RNF123: variants seen among roughly 807,000 people sequenced by gnomAD.
The protein encoded by RNF123 is ring finger protein 123.
RNF123 carries 86 observed loss-of-function variants against 168.5 expected under a neutral mutation model. The ratio of observed to expected loss-of-function variants is 0.51; its 90% CI spans 0.43 to 0.61. The LOEUF (loss-of-function observed/expected upper bound fraction) is 0.61, where lower values mean the gene tolerates loss of function less well. RNF123 is among the 20% of genes least tolerant of loss of function. The probability of loss-of-function intolerance (pLI) is 0.00; values close to 1 mark genes in which losing one functional copy is unlikely to be tolerated. For synonymous variants in RNF123, 666 were observed against 689.1 expected, an observed-to-expected ratio of 0.97 and a Z score of 0.52; for missense variants, 1,419 against 1,729.7, an observed-to-expected ratio of 0.82 and a Z score of 3.19.
chr3:49,693,283 C>T (rs576446932), intron 3 of RNF123, among the ~76,000 whole-genome samples: 67 of 147,166 alleles, frequency 4.6e-4, no homozygotes, highest in Admixed American at 8.9e-4. Context: ...CTCCTGAGCT[C>T]GTGATCCGCC....
At position 49,717,469 on chromosome 3, in the gene RNF123, C is replaced by T. The variant is rs189486260; in HGVS notation, c.3500+992C>T. The T allele has an allele frequency of 2.2e-3, 369 of 171,578 alleles. 6 individuals carry two copies. In the East Asian group the frequency reaches 0.041, roughly 19 times the overall value. The allele number at this position is 171,578 out of a possible 1,614,324, so 10.6% of individuals were successfully genotyped here. On this transcript the variant is annotated intron_variant, in intron 35 of 38. Coordinates refer to ENST00000327697, the MANE Select transcript of RNF123 (RefSeq NM_022064.5). ...GCCTTCTTTTCCCTGTGGGCCCACT[C>T]CCTCCCACCCCCTTGGGAAGGGGAG...
chr3:49,692,447 G>A (rs1384345761), intron 3 of RNF123, among the ~76,000 whole-genome samples: 1 of 152,016 alleles, frequency 6.6e-6, no homozygotes, highest in Admixed American at 6.6e-5. Context: ...TGGTAAATGG[G>A]GTATCCATCC....
intron 26 of RNF123, among the ~76,000 whole-genome samples, chr3:49,709,609 A>ATT (rs922356963): frequency 8.8e-6 from 1 of 113,980 alleles, no homozygotes; most frequent in African/African-American, 3.6e-5. Context: ...CTAATTTTGT[A>ATT]TTTTTTTTTA....
intron 3 of RNF123, among the ~76,000 whole-genome samples, chr3:49,694,852 A>G (rs141089085): frequency 6.6e-6 from 1 of 150,460 alleles, no homozygotes; most frequent in African/African-American, 2.5e-5. Context: ...AGATGGTCCT[A>G]CTGCTGCTGC....
At chr3:49,716,609 G>A (rs1415585347) in intron 35 of RNF123, 132 bp downstream of exon 35, 1 of 804,364 alleles carries the variant, frequency 1.2e-6, no homozygotes, top group South Asian at 1.6e-5. Flanking sequence ...GAGGCAGAGG[G>A]AAGGTGGTGA....
intron 3 of RNF123, among the ~76,000 whole-genome samples, chr3:49,692,371 G>A (rs991200005): frequency 1.3e-5 from 2 of 152,162 alleles, no homozygotes; most frequent in African/African-American, 4.8e-5. Flanking sequence ...TATGTAGTAG[G>A]TATATATATT....
intron 1 of RNF123, chr3:49,689,954 G>A (rs1038408353): frequency 6.6e-6 from 1 of 152,228 alleles, no homozygotes; most frequent in African/African-American, 2.4e-5. Flanking sequence ...CCCACTCCGG[G>A]TGTCTGGAAG....
chr3:49,698,286 C>T (rs1051234016), intron 7 of RNF123, 149 bp downstream of exon 7: 2 of 917,818 alleles, frequency 2.2e-6, no homozygotes, highest in East Asian at 2.6e-5. Flanking sequence ...CCACCCAATC[C>T]CAGGCACCCC....
intron 12 of RNF123, 175 bp from the exon 13 acceptor site, chr3:49,700,052 G>A: frequency 1.2e-6 from 1 of 863,554 alleles, no homozygotes; most frequent in Non-Finnish European, 1.7e-6. Flanking sequence ...GGAGCCGTGG[G>A]GCAATGGCCT....
At chr3:49,711,317 CCTT>C (rs1036979635) in intron 26 of RNF123, among the ~76,000 whole-genome samples, 10 of 152,288 alleles carry the variant, frequency 6.6e-5, no homozygotes, top group African/African-American at 2.2e-4. Context: ...TATGCTCTCT[CCTT>C]CTTTCTCTGT....
chr3:49,699,666 A>C lies in RNF123; in HGVS notation c.880-2A>C. ...ACTTCTCCCTCCTCCCCCTCCACAC[A>C]GGAGGGGCGGCTGTTGGACAAGGAG... is the stretch of plus-strand genomic sequence containing the variant. On this transcript the variant is annotated splice_acceptor_variant, in intron 11 of 38. Transcript: ENST00000327697. LOFTEE classifies it high-confidence loss of function. This position sits in a 1 kb window ranked among gnomAD's most constrained non-coding sequence, Gnocchi z 4.8. 6.2e-7 allele frequency: 1 copy of C among 1,613,238 alleles called. No individual in the cohort carries two copies.
intron 1 of RNF123, 98 bp downstream of exon 1, chr3:49,689,704 T>C (rs560956312): frequency 1.2e-4 from 19 of 152,428 alleles, no homozygotes; most frequent in African/African-American, 4.3e-4. Context: ...AGCGCAGGGA[T>C]CTGGGTGCGA....
chr3:49,711,550 G>A (rs929910722), intron 26 of RNF123, among the ~76,000 whole-genome samples: 1 of 152,138 alleles, frequency 6.6e-6, no homozygotes, highest in Non-Finnish European at 1.5e-5. Context: ...CGCTGCCTAG[G>A]TTTGCGCCTA....
Position 49,720,744 on chromosome 3 carries a change from C to G in RNF123, c.3644-56C>G, listed in dbSNP as rs1158742835. The G allele has an allele frequency of 2.5e-6, 4 of 1,611,936 alleles. No homozygotes were observed. In the African/African-American group the frequency reaches 4.0e-5, roughly 16 times the overall value. On this transcript the variant is annotated intron_variant, in intron 36 of 38. Coordinates refer to ENST00000327697, the MANE Select transcript of RNF123 (RefSeq NM_022064.5). ...AGCAAAGTCCTAGGCTGGGAATATTCAAGAGGCATCACATCCTCAGCTACC... is the reference window on the plus strand; with the variant it reads ...AGCAAAGTCCTAGGCTGGGAATATTGAAGAGGCATCACATCCTCAGCTACC...
At chr3:49,718,574 G>A in intron 35 of RNF123, 1 of 1,613,114 alleles carries the variant, frequency 6.2e-7, no homozygotes, top group Non-Finnish European at 8.5e-7. Context: ...TTGCAGTAAA[G>A]CCTCAGGGAC....
rs2080232519 is a variant in RNF123 at position 49,715,842 on chromosome 3, C to T, written c.3171C>T (p.Arg1057=). ...CTCAGATCCAGCAGGCTGCTGAGCG[C>T]CTGGAGCGGAACTTTGTGGACAGCC... ...MIQEIQQAAE[R]LERNFVDSRQ... The change falls in exon 33 of 39, where the codon CGC becomes CGT. Residue 1057 remains arginine, a synonymous_variant. Transcript: ENST00000327697. 1.2e-6 allele frequency: 2 copies of T among 1,614,104 alleles called. No individual in the cohort carries two copies. Among genetic ancestry groups the T allele is most frequent in the Non-Finnish European group, 8.5e-7 (1 of 1,180,020 alleles).
chr3:49,706,947 G>A (rs750456674), intron 26 of RNF123, 49 bp downstream of exon 26: 18 of 1,529,758 alleles, frequency 1.2e-5, no homozygotes, highest in African/African-American at 8.2e-5. Context: ...GTCTGGCCAC[G>A]GGTCTAGCAA....
intron 35 of RNF123, chr3:49,718,825 A>G (rs751097518): frequency 6.2e-7 from 1 of 1,613,402 alleles, no homozygotes; most frequent in African/African-American, 1.3e-5. Context: ...GTGCAAGTAG[A>G]GGCCGTTCTT....
At chr3:49,712,815 G>A (rs906599816) in intron 27 of RNF123, 159 bp downstream of exon 27, 8 of 816,480 alleles carry the variant, frequency 9.8e-6, no homozygotes, top group African/African-American at 3.4e-5. Context: ...GCAAACAAAC[G>A]TCTGCACCCT....
Sources: gnomAD v4.1 joint callset for allele counts (sites outside exome capture counted in the v4.1 genomes callset) on GRCh38, gnomAD v4.1.1 for gene constraint, Gnocchi (gnomAD v3.1) non-coding constraint, MANE v1.5 for transcripts, NCBI Gene and HGNC (gene_info 2026-07-23, HGNC 2026-07-21) for gene names.